Variants in TOP1 observed in about 807,000 individuals in gnomAD.
TOP1 encodes the protein DNA topoisomerase 1.
Under a neutral mutation model 111.1 loss-of-function variants are expected in TOP1, and 10 were observed. That is an observed-to-expected ratio of 0.09 (90% confidence interval 0.06 to 0.15). The LOEUF (loss-of-function observed/expected upper bound fraction) is 0.15. Among genes scored for constraint, TOP1 ranks in the 10% least tolerant of loss-of-function variants. The pLI, the probability that TOP1 is intolerant of heterozygous loss-of-function variation, is 1.00. For synonymous variants in TOP1, 271 were observed against 302.9 expected (o/e 0.89, Z 1.10); for missense variants, 474 against 926.7 (o/e 0.51, Z 6.34).
At chr20:41,066,657 C>T (rs2033612042) in intron 3 of TOP1, among the ~76,000 whole-genome samples, 1 of 150,680 alleles carries the variant, frequency 6.6e-6, no homozygotes, top group Admixed American at 6.6e-5. Flanking sequence ...CGGGTTCATG[C>T]CATTCTCCTG....
chr20:41,049,436 A>G (rs2033374726), intron 2 of TOP1, among the ~76,000 whole-genome samples: 1 of 152,236 alleles, frequency 6.6e-6, no homozygotes, highest in African/African-American at 2.4e-5. Context: ...CACACTTTGC[A>G]AAATAATTGG....
chr20:41,084,097 A>T (rs773697592), intron 7 of TOP1, among the ~76,000 whole-genome samples: 10 of 152,126 alleles, frequency 6.6e-5, no homozygotes, highest in Non-Finnish European at 1.3e-4. Flanking sequence ...ATTGTACTGG[A>T]AGAGGTTTAA....
At chr20:41,072,447 C>G in intron 3 of TOP1, 1 of 985,418 alleles carries the variant, frequency 1.0e-6, no homozygotes, top group South Asian at 4.7e-5. Flanking sequence ...GTTAGAAAAT[C>G]TCAAATGGAT....
chr20:41,072,336 G>C (rs2033677868), intron 3 of TOP1: 1 of 985,218 alleles, frequency 1.0e-6, no homozygotes. Context: ...TTTCTGCATT[G>C]GTCAGAATTT....
rs552395194 is a variant in TOP1, at chr20:41,110,108, G to A, written c.1309-2674G>A. On this transcript the variant is annotated intron_variant, in intron 13 of 20. Coordinates refer to ENST00000361337, the MANE Select transcript of TOP1 (RefSeq NM_003286.4). This position sits in a 1 kb window ranked among gnomAD's most constrained non-coding sequence, Gnocchi z 4.2. ...TCGAGACCAGCCTGGCCAACATGGCGAAACACCGTCTCTACAAAAAAATAC... is the reference window on the plus strand; with the variant it reads ...TCGAGACCAGCCTGGCCAACATGGCAAAACACCGTCTCTACAAAAAAATAC... Among the ~76,000 whole-genome samples the A allele has an allele frequency of 4.6e-5, 7 of 152,206 alleles. No individual in the cohort carries two copies. The highest frequency in any genetic ancestry group is 2.1e-4 in the South Asian group (1 of 4,822).
rs1600570792 is a variant in TOP1 at position 41,069,334 on chromosome 20, T to A, written c.156-6837T>A. Among the ~76,000 whole-genome samples, 4 of 152,170 alleles carry A rather than the reference T, an allele frequency of 2.6e-5. No homozygotes were observed. The highest frequency in any genetic ancestry group is 5.9e-5 in the Non-Finnish European group (4 of 68,038). On this transcript the variant is annotated intron_variant, in intron 3 of 20. Transcript: ENST00000361337. The surrounding 1 kb of genome is among the most constrained non-coding windows in gnomAD (Gnocchi z 4.1). ...ACTATATCATCCTGTCTGTGGGAAATGGACAACTAACATGGGTAGGCAGAG... is the reference window on the plus strand; with the variant it reads ...ACTATATCATCCTGTCTGTGGGAAAAGGACAACTAACATGGGTAGGCAGAG...
At position 41,029,092 on chromosome 20, in the gene TOP1, G is replaced by T; in HGVS notation, c.25G>T (p.Asp9Tyr). 1 of 1,533,394 alleles carries T rather than the reference G, an allele frequency of 6.5e-7. No homozygotes were observed. Among genetic ancestry groups the T allele is most frequent in the South Asian group, 1.2e-5 (1 of 83,304 alleles). 95.0% of individuals were successfully genotyped at this position (1,533,394 alleles called of 1,614,324 possible). The stretch of plus-strand genomic sequence containing the variant: ...CATGAGTGGGGACCACCTCCACAAC[G>T]ATTCCCAGGTACGGCCCGGCCTGAC... MSGDHLHN[D>Y]SQIEADFRLN... Residue 9 changes from aspartate (D) to tyrosine (Y), a missense_variant, in exon 1 of 21, where the codon GAT (aspartate) becomes TAT (tyrosine). By Grantham distance (160) the Asp-to-Tyr change is radical. Coordinates refer to ENST00000361337, the MANE Select transcript of TOP1 (RefSeq NM_003286.4). The surrounding 1 kb of genome is among the most constrained non-coding windows in gnomAD (Gnocchi z 6.1).
rs755806638 is a variant in TOP1 at position 41,123,170 on chromosome 20, C to G, written c.2196-25C>G. 34 of 1,554,310 alleles carry G rather than the reference C, an allele frequency of 2.2e-5. No homozygotes were observed. The highest frequency in any genetic ancestry group is 3.3e-5 in the Admixed American group (2 of 59,836). On this transcript the variant is annotated intron_variant, in intron 20 of 20. Coordinates refer to ENST00000361337, the MANE Select transcript of TOP1 (RefSeq NM_003286.4). This position sits in a 1 kb window ranked among gnomAD's most constrained non-coding sequence, Gnocchi z 5.8. ...GCCATTGCTGAGTCACCCTAATCCC[C>G]CCCTTATTTCTCCTTTGTTTGCAGG...
rs1172028142 is a variant in TOP1 at position 41,032,157 on chromosome 20, A to G, written c.58+2702A>G. On this transcript the variant is annotated intron_variant, in intron 2 of 20. Transcript: ENST00000361337. This position sits in a 1 kb window ranked among gnomAD's most constrained non-coding sequence, Gnocchi z 4.3. ...ATTTTAAGAGGGCCTAACCCATCTTACAGATTAACTGTACAAGTTCATATA... is the reference window on the plus strand; with the variant it reads ...ATTTTAAGAGGGCCTAACCCATCTTGCAGATTAACTGTACAAGTTCATATA... Among the ~76,000 whole-genome samples the G allele has an allele frequency of 6.6e-6, 1 of 152,228 alleles. No individual in the cohort carries two copies. The highest frequency in any genetic ancestry group is 1.5e-5 in the Non-Finnish European group (1 of 68,040).
At position 41,109,610 on chromosome 20, in the gene TOP1, T is replaced by TA. The variant is rs1187425352; in HGVS notation, c.1309-3165dup. On this transcript the variant is annotated intron_variant, in intron 13 of 20. Coordinates refer to ENST00000361337, the MANE Select transcript of TOP1 (RefSeq NM_003286.4). This position sits in a 1 kb window ranked among gnomAD's most constrained non-coding sequence, Gnocchi z 4.1. ...ACAAAGAATTCCTGTAGCTCCATAA[T>TA]AAAAAAACAGACATCCCATCCGCAT... Among the ~76,000 whole-genome samples the TA allele has an allele frequency of 5.3e-5, 8 of 152,012 alleles. No individual in the cohort carries two copies. Among genetic ancestry groups the TA allele is most frequent in the Admixed American group, 1.3e-4 (2 of 15,266 alleles).
At position 41,101,089 on chromosome 20, in the gene TOP1, T is replaced by C. The variant is rs1331717633; in HGVS notation, c.1164-120T>C. 2.9e-6 allele frequency: 3 copies of C among 1,031,638 alleles called. No homozygotes were observed. The highest frequency in any genetic ancestry group is 4.4e-6 in the Non-Finnish European group (3 of 685,134). 63.9% of individuals were successfully genotyped at this position (1,031,638 alleles called of 1,614,324 possible). A position where few individuals can be genotyped will look rare whatever the true frequency, so the allele number is the denominator to read the frequency against. On this transcript the variant is annotated intron_variant, in intron 12 of 20. Transcript: ENST00000361337. The surrounding 1 kb of genome is among the most constrained non-coding windows in gnomAD (Gnocchi z 4.1). ...CCATGCATAAGGTGGGACTACTGTA[T>C]TGACTGTTAAGAAGGAAACTTGGAA...
rs1406413829 is a variant in TOP1, at chr20:41,083,030, C to CT, written c.508-1431dup. Among the ~76,000 whole-genome samples, 1 of 152,160 alleles carries CT rather than the reference C, an allele frequency of 6.6e-6. No individual in the cohort carries two copies. Among genetic ancestry groups the CT allele is most frequent in the East Asian group, 1.9e-4 (1 of 5,196 alleles). On this transcript the variant is annotated intron_variant, in intron 7 of 20. Coordinates refer to ENST00000361337, the MANE Select transcript of TOP1 (RefSeq NM_003286.4). This position sits in a 1 kb window ranked among gnomAD's most constrained non-coding sequence, Gnocchi z 7.2. Reference sequence around the variant, plus strand: ...TGGCAGGGACCCCAGATGGCAGAATCTGTCATTAAACCTCACTCGCCAACT... The same window carrying CT: ...TGGCAGGGACCCCAGATGGCAGAATCTTGTCATTAAACCTCACTCGCCAACT...
Position 41,118,596 on chromosome 20 carries a change from T to C in TOP1, c.1950+300T>C, listed in dbSNP as rs73909150. On this transcript the variant is annotated intron_variant, in intron 18 of 20. Transcript: ENST00000361337. This position sits in a 1 kb window ranked among gnomAD's most constrained non-coding sequence, Gnocchi z 4.6. ...TGCTAATTACTGTCCTTATTGTACATGAGGAAAGTGGATTTAAAGAGAGTC... is the reference window on the plus strand; with the variant it reads ...TGCTAATTACTGTCCTTATTGTACACGAGGAAAGTGGATTTAAAGAGAGTC... 2.8e-4 allele frequency among the ~76,000 whole-genome samples: 43 copies of C among 152,352 alleles called. No homozygotes were observed. The highest frequency in any genetic ancestry group is 3.4e-3 in the Middle Eastern group (1 of 294).
rs781479483 is a variant in TOP1 at position 41,101,177 on chromosome 20, AT to A, written c.1164-29del. 5 of 1,612,070 alleles carry A rather than the reference AT, an allele frequency of 3.1e-6. No individual in the cohort carries two copies. Among genetic ancestry groups the A allele is most frequent in the Non-Finnish European group, 4.2e-6 (5 of 1,178,484 alleles). On this transcript the variant is annotated intron_variant, in intron 12 of 20. Transcript: ENST00000361337. The surrounding 1 kb of genome is among the most constrained non-coding windows in gnomAD (Gnocchi z 4.1). ...AAGGTGAAATTATTCCTCACATCTT[AT>A]TTCACTATCCTCGTGCTCTGTTATT...
At chr20:41,031,821 C>G (rs372207611) in intron 2 of TOP1, among the ~76,000 whole-genome samples, 5 of 151,684 alleles carry the variant, frequency 3.3e-5, no homozygotes, top group Admixed American at 6.6e-5. Flanking sequence ...CCACAAATCT[C>G]TATTTTCTTA....
At chr20:41,077,142 A>G (rs1305536084) in intron 4 of TOP1, among the ~76,000 whole-genome samples, 1 of 151,994 alleles carries the variant, frequency 6.6e-6, no homozygotes, top group African/African-American at 2.4e-5. Flanking sequence ...CTAGTCTCGA[A>G]CTCCTGGCCT....
Position 41,122,173 on chromosome 20 carries a change from C to T in TOP1, c.2195+18C>T. On this transcript the variant is annotated intron_variant, in intron 20 of 20. Transcript: ENST00000361337. The surrounding 1 kb of genome is among the most constrained non-coding windows in gnomAD (Gnocchi z 5.4). ...GTGGCTTGGTAAGTGTTGAGCCCTC[C>T]TTGAGCTCCTGCTGCTAGCTTAAGA... The T allele has an allele frequency of 1.2e-6, 2 of 1,612,928 alleles. No individual in the cohort carries two copies. The highest frequency in any genetic ancestry group is 1.7e-6 in the Non-Finnish European group (2 of 1,179,326).
Position 41,071,350 on chromosome 20 carries a change from A to T in TOP1, c.156-4821A>T, listed in dbSNP as rs1265530238. 3.4e-5 allele frequency among the ~76,000 whole-genome samples: 5 copies of T among 146,590 alleles called. No homozygotes were observed. The highest frequency in any genetic ancestry group is 4.3e-4 in the South Asian group (2 of 4,636). On this transcript the variant is annotated intron_variant, in intron 3 of 20. Transcript: ENST00000361337. This position sits in a 1 kb window ranked among gnomAD's most constrained non-coding sequence, Gnocchi z 4.3. ...TTATTTTTTTCTTTCCTTTTTTTAA[A>T]TTTTTTTTTTTTTGAGATGGAGCCT...
rs2034295460 is a variant in TOP1 at position 41,114,383 on chromosome 20, C to T, written c.1638+228C>T. Among the ~76,000 whole-genome samples, 1 of 152,194 alleles carries T rather than the reference C, an allele frequency of 6.6e-6. No homozygotes were observed. The highest frequency in any genetic ancestry group is 2.1e-4 in the South Asian group (1 of 4,826). ...GTGCTGTGATCACACCTGTGAATAGCCACTGTACTCCAGCCTGGGCAAAAT... is the reference window on the plus strand; with the variant it reads ...GTGCTGTGATCACACCTGTGAATAGTCACTGTACTCCAGCCTGGGCAAAAT... On this transcript the variant is annotated intron_variant, in intron 15 of 20. Coordinates refer to ENST00000361337, the MANE Select transcript of TOP1 (RefSeq NM_003286.4). This position sits in a 1 kb window ranked among gnomAD's most constrained non-coding sequence, Gnocchi z 4.5.
Sources: allele counts gnomAD v4.1 joint callset (sites outside exome capture counted in the v4.1 genomes callset), GRCh38; gene constraint gnomAD v4.1.1; non-coding constraint Gnocchi (gnomAD v3.1); transcripts MANE v1.5; gene names NCBI Gene and HGNC (gene_info 2026-07-23, HGNC 2026-07-21).